Variants in PRMT8 observed in about 807,000 individuals in gnomAD.
PRMT8 encodes the protein protein arginine N-methyltransferase 8.
Under a neutral mutation model 47.1 loss-of-function variants are expected in PRMT8, and 7 were observed. The observed-to-expected ratio is 0.15, with a 90% CI of 0.08 to 0.28. The LOEUF is 0.28. Ranked by LOEUF, PRMT8 falls within the 10% of genes least tolerant of loss-of-function variation. PRMT8 has a pLI of 1.00. For missense variants in PRMT8, 237 were observed against 505.4 expected, an observed-to-expected ratio of 0.47 and a Z score of 5.09; for synonymous variants, 188 against 186.5, an observed-to-expected ratio of 1.01 and a Z score of -0.07.
At chr12:3,451,604 G>A (rs1864919581) in intron 1 of PRMT8, among the ~76,000 whole-genome samples, 1 of 152,144 alleles carries the variant, frequency 6.6e-6, no homozygotes, top group African/African-American at 2.4e-5. Flanking sequence ...CTGGCCATGA[G>A]GCATACATGG....
At position 3,558,961 on chromosome 12, in the gene PRMT8, CCTATCTAT is replaced by C. The variant is rs61644721; in HGVS notation, c.481+5270_481+5277del. ...TAACATTTATCTGTCTATCTATCTA[CCTATCTAT>C]CTATCTATCTATCTATCTATCTGTC... On this transcript the variant is annotated intron_variant, in intron 4 of 9. Transcript: ENST00000382622. 2.3e-3 allele frequency among the ~76,000 whole-genome samples: 343 copies of C among 150,108 alleles called. 3 individuals are homozygous for C. Among genetic ancestry groups the C allele is most frequent in the African/African-American group, 7.8e-3 (315 of 40,558 alleles).
intron 1 of PRMT8, among the ~76,000 whole-genome samples, chr12:3,428,884 C>T (rs1389521064): frequency 4.0e-5 from 6 of 151,886 alleles, no homozygotes; most frequent in Admixed American, 3.3e-4. Context: ...GTCTCTTACT[C>T]TCTCCGCCTG....
chr12:3,552,600 C>T lies in PRMT8; in HGVS notation c.418-1051C>T. 1 of 385,462 alleles carries T rather than the reference C, an allele frequency of 2.6e-6. No homozygotes were observed. Among genetic ancestry groups the T allele is most frequent in the South Asian group, 1.9e-5 (1 of 52,710 alleles). 23.9% of individuals were successfully genotyped at this position (385,462 alleles called of 1,614,324 possible). ...ACAGTGCAGCCTGAAGGCCAGGGAC[C>T]TGGCAGCCCAGGAAAGGGCTGGTTC... is the stretch of plus-strand genomic sequence containing the variant. On this transcript the variant is annotated intron_variant, in intron 3 of 9. Transcript: ENST00000382622. This position sits in a 1 kb window ranked among gnomAD's most constrained non-coding sequence, Gnocchi z 4.5.
rs1392153887 is a variant in PRMT8, at chr12:3,593,773, C to G, written c.*591C>G. On this transcript the variant is annotated 3_prime_UTR_variant, in exon 10 of 10. Transcript: ENST00000382622. The surrounding 1 kb of genome is among the most constrained non-coding windows in gnomAD (Gnocchi z 4.8). Reference sequence around the variant, plus strand: ...GCGTGTGCCTAGAATATATATTACTCTCAGAGGAGATTCTGTTGCTTTTGA... The same window carrying G: ...GCGTGTGCCTAGAATATATATTACTGTCAGAGGAGATTCTGTTGCTTTTGA... The G allele has an allele frequency of 6.5e-6, 1 of 153,088 alleles. No homozygotes were observed. The highest frequency in any genetic ancestry group is 2.4e-5 in the African/African-American group (1 of 41,392). The allele number at this position is 153,088 out of a possible 1,614,324, so 9.5% of individuals were successfully genotyped here. A position where few individuals can be genotyped will look rare whatever the true frequency, so the allele number is the denominator to read the frequency against.
At chr12:3,472,508 T>A (rs1865171093) in intron 1 of PRMT8, among the ~76,000 whole-genome samples, 2 of 152,220 alleles carry the variant, frequency 1.3e-5, no homozygotes, top group African/African-American at 4.8e-5. Flanking sequence ...GCAAGCTGTG[T>A]GACATTGGGA....
chr12:3,560,444 T>C (rs185039860), intron 4 of PRMT8, among the ~76,000 whole-genome samples: 1 of 152,292 alleles, frequency 6.6e-6, no homozygotes, highest in East Asian at 1.9e-4. Flanking sequence ...TTCTTCCACA[T>C]GTGTGGCCCA....
chr12:3,466,965 C>T (rs1349011272), intron 1 of PRMT8, among the ~76,000 whole-genome samples: 1 of 152,132 alleles, frequency 6.6e-6, no homozygotes. Flanking sequence ...TGACTGGGCG[C>T]GGTAGCTCAT....
At position 3,557,321 on chromosome 12, in the gene PRMT8, T is replaced by C. The variant is rs558475363; in HGVS notation, c.481+3607T>C. 6.6e-6 allele frequency among the ~76,000 whole-genome samples: 1 copy of C among 151,972 alleles called. No homozygotes were observed. The highest frequency in any genetic ancestry group is 2.1e-4 in the South Asian group (1 of 4,802). On this transcript the variant is annotated intron_variant, in intron 4 of 9. Coordinates refer to ENST00000382622, the MANE Select transcript of PRMT8 (RefSeq NM_019854.5). This position sits in a 1 kb window ranked among gnomAD's most constrained non-coding sequence, Gnocchi z 4.7. ...AGCATGCAGCAGAGGGAGGGGGAGC[T>C]GGAAGTTGATGACAGTGATGGGCCG... is the stretch of plus-strand genomic sequence containing the variant.
intron 1 of PRMT8, among the ~76,000 whole-genome samples, chr12:3,411,966 C>A (rs1864435632): frequency 6.6e-6 from 1 of 152,240 alleles, no homozygotes; most frequent in Non-Finnish European, 1.5e-5. Flanking sequence ...ATGGGTTCCT[C>A]ATTGGTGGGG....
intron 1 of PRMT8, among the ~76,000 whole-genome samples, chr12:3,460,809 G>A (rs139218754): frequency 6.6e-6 from 1 of 152,318 alleles, no homozygotes; most frequent in Non-Finnish European, 1.5e-5. Flanking sequence ...TCAAGAGAAA[G>A]CCAGGTTACC....
chr12:3,468,468 G>A (rs1461179209), intron 1 of PRMT8, among the ~76,000 whole-genome samples: 1 of 152,186 alleles, frequency 6.6e-6, no homozygotes, highest in Non-Finnish European at 1.5e-5. Context: ...ATGGGATTGT[G>A]TATGTGCAAC....
In PRMT8 at chr12:3,557,825, C is replaced by T. The variant is rs1337633223; in HGVS notation, c.481+4111C>T. Among the ~76,000 whole-genome samples the T allele has an allele frequency of 2.6e-5, 4 of 151,950 alleles. No individual in the cohort carries two copies. The highest frequency in any genetic ancestry group is 5.9e-5 in the Non-Finnish European group (4 of 67,980). The stretch of plus-strand genomic sequence containing the variant: ...CCTGAAAGCCTGTTGGGAGGGGAGG[C>T]AGTGTGTGGGCACAGCAGGATCAGA... On this transcript the variant is annotated intron_variant, in intron 4 of 9. Coordinates refer to ENST00000382622, the MANE Select transcript of PRMT8 (RefSeq NM_019854.5). This position sits in a 1 kb window ranked among gnomAD's most constrained non-coding sequence, Gnocchi z 4.7.
At chr12:3,513,939 C>T (rs915821224) in intron 1 of PRMT8, among the ~76,000 whole-genome samples, 1 of 152,212 alleles carries the variant, frequency 6.6e-6, no homozygotes, top group African/African-American at 2.4e-5. Flanking sequence ...AGGTACTGCT[C>T]TAGTGATTTC....
chr12:3,558,886 T>TAC (rs1866574891), intron 4 of PRMT8, among the ~76,000 whole-genome samples: 1 of 152,200 alleles, frequency 6.6e-6, no homozygotes, highest in African/African-American at 2.4e-5. Context: ...AGTAAGATTT[T>TAC]CTGGGGGAGG....
intron 1 of PRMT8, among the ~76,000 whole-genome samples, chr12:3,437,101 C>T (rs1864751739): frequency 6.6e-6 from 1 of 152,208 alleles, no homozygotes; most frequent in Non-Finnish European, 1.5e-5. Context: ...CAACCCCACC[C>T]TCCTGGGGTA....
chr12:3,405,263 C>G (rs746172049), intron 1 of PRMT8, among the ~76,000 whole-genome samples: 12 of 152,262 alleles, frequency 7.9e-5, no homozygotes, highest in Non-Finnish European at 1.3e-4. Flanking sequence ...ACAAGACCAG[C>G]ATGAGGGTAA....
At chr12:3,574,945 C>T (rs949970933) in intron 6 of PRMT8, among the ~76,000 whole-genome samples, 7 of 152,164 alleles carry the variant, frequency 4.6e-5, no homozygotes, top group Admixed American at 6.5e-5. Context: ...TTGGCGTGTA[C>T]GTTTTATCTG....
In PRMT8 at chr12:3,569,512, T is replaced by A. The variant is rs771539124; in HGVS notation, c.660T>A (p.Ala220=). 2 of 1,614,080 alleles carry A rather than the reference T, an allele frequency of 1.2e-6. No individual in the cohort carries two copies. The highest frequency in any genetic ancestry group is 2.7e-5 in the African/African-American group (2 of 74,926). The change falls in exon 6 of 10, where the codon GCT becomes GCA. Residue 220 remains alanine, a synonymous_variant. Coordinates refer to ENST00000382622, the MANE Select transcript of PRMT8 (RefSeq NM_019854.5). This position sits in a 1 kb window ranked among gnomAD's most constrained non-coding sequence, Gnocchi z 8.2. The stretch of plus-strand genomic sequence containing the variant: ...GGCTTATGTTTCCAGACCGGGCAGC[T>A]TTGTACGTGGTAGCGATTGAAGACA... The part of the protein sequence containing the change: ...PGGLMFPDRA[A]LYVVAIEDRQ...
chr12:3,551,514 T>C (rs982976441), intron 3 of PRMT8: 5 of 152,272 alleles, frequency 3.3e-5, no homozygotes, highest in Admixed American at 1.3e-4. Flanking sequence ...GTGCCGGCCT[T>C]GGTGGGGGAC....
Sources: allele counts gnomAD v4.1 joint callset (sites outside exome capture counted in the v4.1 genomes callset), GRCh38; gene constraint gnomAD v4.1.1; non-coding constraint Gnocchi (gnomAD v3.1); transcripts MANE v1.5; gene names NCBI Gene and HGNC (gene_info 2026-07-23, HGNC 2026-07-21).